Variants in SGCZ observed in about 807,000 individuals in gnomAD.
SGCZ encodes sarcoglycan zeta.
In SGCZ, 40 loss-of-function variants were observed where a neutral mutation model predicts 41.3. The ratio of observed to expected loss-of-function variants is 0.97; its 90% CI spans 0.75 to 1.26. The LOEUF (loss-of-function observed/expected upper bound fraction) is 1.26. Among genes scored for constraint, SGCZ ranks in the 50% most tolerant of loss-of-function variants. SGCZ has a pLI of 0.00. For missense variants in SGCZ, 552 were observed against 369.8 expected, an observed-to-expected ratio of 1.49 and a Z score of -4.04; for synonymous variants, 206 against 137.5, an observed-to-expected ratio of 1.50 and a Z score of -3.49.
At chr8:14,611,709 A>G (rs1393051129) in intron 1 of SGCZ, among the ~76,000 whole-genome samples, 1 of 152,350 alleles carries the variant, frequency 6.6e-6, no homozygotes, top group East Asian at 1.9e-4. Context: ...ATAAAGAAAT[A>G]TTTCCATATG....
intron 2 of SGCZ, among the ~76,000 whole-genome samples, chr8:14,401,380 A>G (rs34747219): frequency 0.073 from 10,899 of 149,082 alleles, 560 homozygotes; most frequent in African/African-American, 0.12. Context: ...CTGGTGTGCT[A>G]CACCCAATAA....
In SGCZ at chr8:14,090,572, T is replaced by C; in HGVS notation, c.810A>G (p.Ser270=). The C allele has an allele frequency of 6.2e-7, 1 of 1,612,838 alleles. No homozygotes were observed. The highest frequency in any genetic ancestry group is 8.5e-7 in the Non-Finnish European group (1 of 1,179,394). Residue 270 remains serine (S), a synonymous_variant, in exon 8 of 8, where the codon TCA becomes TCG. Transcript: ENST00000382080. ...NLPTGSFSSS[S]PSSSSSRQTV... is the part of the protein sequence containing the mutation. ...TCTGTCGAGAACTTGAGGAGCTGGG[T>C]GAAGAAGATGAGAAGGAGCCAGTTG...
In SGCZ at chr8:14,297,572, A is replaced by C. The variant is rs189804708; in HGVS notation, c.336+26531T>G. Among the ~76,000 whole-genome samples the C allele has an allele frequency of 1.4e-4, 21 of 152,068 alleles. No homozygotes were observed. The East Asian group carries it at 3.9e-3, about 28-fold the overall frequency. On this transcript the variant is annotated intron_variant, in intron 3 of 7. Coordinates refer to ENST00000382080, the MANE Select transcript of SGCZ (RefSeq NM_139167.4). ...CGCTTTCTAGAATAAAAGCAAAGAC[A>C]ATAATATAGAGCACATTAAAGAAAT... is the stretch of plus-strand genomic sequence containing the variant.
At chr8:14,822,612 T>G (rs531503080) in intron 1 of SGCZ, among the ~76,000 whole-genome samples, 2 of 152,230 alleles carry the variant, frequency 1.3e-5, no homozygotes, top group South Asian at 2.1e-4. Flanking sequence ...AACAGCATGG[T>G]GGTGGTATAA....
intron 5 of SGCZ, among the ~76,000 whole-genome samples, chr8:14,159,061 G>A (rs367935348): frequency 2.0e-5 from 3 of 152,254 alleles, no homozygotes; most frequent in African/African-American, 4.8e-5. Flanking sequence ...GAGCCACTGC[G>A]CCTGGCCAGT....
intron 1 of SGCZ, among the ~76,000 whole-genome samples, chr8:14,820,353 G>A (rs888985927): frequency 4.0e-5 from 6 of 151,788 alleles, no homozygotes; most frequent in Non-Finnish European, 8.8e-5. Flanking sequence ...GGAGCACCCA[G>A]GTATATAATG....
chr8:14,365,209 T>C (rs1370069920), intron 2 of SGCZ, among the ~76,000 whole-genome samples: 2 of 152,076 alleles, frequency 1.3e-5, no homozygotes, highest in African/African-American at 2.4e-5. Context: ...ACAGATTTTA[T>C]ACTTTATTAT....
intron 2 of SGCZ, among the ~76,000 whole-genome samples, chr8:14,477,098 T>A (rs1486911610): frequency 1.3e-5 from 2 of 152,216 alleles, no homozygotes; most frequent in Admixed American, 6.5e-5. Flanking sequence ...CCTTAATATT[T>A]CCTTCCTTTC....
chr8:15,168,806 T>A (rs1465928137), intron 1 of SGCZ, among the ~76,000 whole-genome samples: 2 of 152,184 alleles, frequency 1.3e-5, no homozygotes, highest in Non-Finnish European at 2.9e-5. Context: ...GACCCTCCCC[T>A]CAGATGCATC....
At chr8:14,396,932 A>G (rs977720730) in intron 2 of SGCZ, among the ~76,000 whole-genome samples, 7 of 152,154 alleles carry the variant, frequency 4.6e-5, no homozygotes. Flanking sequence ...ACCAATGGAA[A>G]TGTGCTGAAT....
At chr8:14,849,551 T>C (rs892910383) in intron 1 of SGCZ, among the ~76,000 whole-genome samples, 12 of 152,224 alleles carry the variant, frequency 7.9e-5, no homozygotes, top group Middle Eastern at 3.4e-3. Context: ...CCAGAGAACA[T>C]ATTGTATGAT....
chr8:14,851,184 A>AGACAGC (rs1167458379), intron 1 of SGCZ, among the ~76,000 whole-genome samples: 1 of 151,990 alleles, frequency 6.6e-6, no homozygotes, highest in African/African-American at 2.4e-5. Context: ...CCTGGCTAAC[A>AGACAGC]TAGTGAAACG....
At chr8:14,896,545 C>T (rs1163250185) in intron 1 of SGCZ, among the ~76,000 whole-genome samples, 5 of 152,160 alleles carry the variant, frequency 3.3e-5, no homozygotes, top group African/African-American at 7.2e-5. Flanking sequence ...GGCATGATCT[C>T]GGCTCACTGC....
rs73525578 is a variant in SGCZ, at chr8:14,676,500, A to C, written c.40-121574T>G. ...TGCTATGGCACTTCAGCCTGGAGAC[A>C]GAGTGAGACTCCATCTCTATCAGAG... On this transcript the variant is annotated intron_variant, in intron 1 of 7. Transcript: ENST00000382080. Among the ~76,000 whole-genome samples, 838 of 152,328 alleles carry C rather than the reference A, an allele frequency of 5.5e-3. 7 individuals carry two copies. The highest frequency in any genetic ancestry group is 0.019 in the African/African-American group (801 of 41,582).
At chr8:14,548,731 G>A (rs1347463612) in intron 2 of SGCZ, among the ~76,000 whole-genome samples, 1 of 152,114 alleles carries the variant, frequency 6.6e-6, no homozygotes, top group Non-Finnish European at 1.5e-5. Context: ...TTTGGTGTAT[G>A]TGCCTGTGCA....
At chr8:15,013,641 A>G (rs1395717309) in intron 1 of SGCZ, among the ~76,000 whole-genome samples, 2 of 152,194 alleles carry the variant, frequency 1.3e-5, no homozygotes, top group Non-Finnish European at 2.9e-5. Context: ...CCTGGTTTCA[A>G]ATTTGGACTC....
At chr8:14,808,509 G>T (rs1336455484) in intron 1 of SGCZ, among the ~76,000 whole-genome samples, 1 of 152,146 alleles carries the variant, frequency 6.6e-6, no homozygotes, top group African/African-American at 2.4e-5. Flanking sequence ...TCAGAGAAAT[G>T]CAAATCAAAA....
Position 14,164,620 on chromosome 8 carries a change from T to C in SGCZ, c.507A>G (p.Glu169=). 6.2e-7 allele frequency: 1 copy of C among 1,613,572 alleles called. No individual in the cohort carries two copies. Among genetic ancestry groups the C allele is most frequent in the Non-Finnish European group, 8.5e-7 (1 of 1,179,672 alleles). Residue 169 remains glutamate (E), a synonymous_variant, in exon 5 of 8, where the codon GAA becomes GAG. Transcript: ENST00000382080. ...TTTCAGCCCCAATGGTAATCTCATC[T>C]TCATCTGCAGAAAACAGCACCCTGC... ...EDGRVLFSAD[E]DEITIGAEKL... is the part of the protein sequence containing the mutation.
At chr8:14,349,645 A>G (rs1803016816) in intron 2 of SGCZ, among the ~76,000 whole-genome samples, 2 of 152,148 alleles carry the variant, frequency 1.3e-5, no homozygotes, top group Non-Finnish European at 2.9e-5. Context: ...TCTGTTTATC[A>G]TATGCAGGAA....
Sources: gnomAD v4.1 joint callset for allele counts (sites outside exome capture counted in the v4.1 genomes callset) on GRCh38, gnomAD v4.1.1 for gene constraint, MANE v1.5 for transcripts, NCBI Gene and HGNC (gene_info 2026-07-23, HGNC 2026-07-21) for gene names.